The following C6 variants were observed in gnomAD, a reference collection of about 807,000 sequenced individuals.
C6 encodes complement component C6.
Under a neutral mutation model 112.9 loss-of-function variants are expected in C6, and 101 were observed. That is an observed-to-expected ratio of 0.89 (90% CI 0.76 to 1.06). The LOEUF (loss-of-function observed/expected upper bound fraction) is 1.06, where lower values mean the gene tolerates loss of function less well. C6 is among the 50% of genes least tolerant of loss of function. C6 has a pLI of 0.00. For synonymous variants in C6, 431 were observed against 384.1 expected, an observed-to-expected ratio of 1.12 and a Z score of -1.43; for missense variants, 1,202 against 1,104.6, an observed-to-expected ratio of 1.09 and a Z score of -1.25.
chr5:41,150,812 G>A (rs960574894), intron 15 of C6, among the ~76,000 whole-genome samples: 3 of 151,952 alleles, frequency 2.0e-5, no homozygotes, highest in African/African-American at 2.4e-5. Flanking sequence ...ACTTGAACCC[G>A]GGAGGCAGAG....
chr5:41,146,814 C>T (rs904339255), intron 17 of C6, among the ~76,000 whole-genome samples: 1 of 150,076 alleles, frequency 6.7e-6, no homozygotes, highest in African/African-American at 2.5e-5. Context: ...TACAGCAAAG[C>T]GGTAATAGTA....
intron 1 of C6, among the ~76,000 whole-genome samples, chr5:41,249,439 T>A: frequency 6.6e-6 from 1 of 152,232 alleles, no homozygotes; most frequent in South Asian, 2.1e-4. Context: ...TATATTTGTA[T>A]TTGCTCCTAT....
chr5:41,152,216 G>C (rs899554440), intron 15 of C6, among the ~76,000 whole-genome samples: 2 of 152,084 alleles, frequency 1.3e-5, no homozygotes, highest in Non-Finnish European at 2.9e-5. Flanking sequence ...ATTAGGGAAG[G>C]ATTCATAAGG....
At chr5:41,180,817 T>A (rs1749267588) in intron 7 of C6, among the ~76,000 whole-genome samples, 1 of 147,678 alleles carries the variant, frequency 6.8e-6, no homozygotes, top group South Asian at 2.2e-4. Context: ...CTTGCATGTG[T>A]CCTATATGAG....
chr5:41,157,880 G>A (rs566708767), intron 13 of C6, among the ~76,000 whole-genome samples: 2 of 152,084 alleles, frequency 1.3e-5, no homozygotes. Flanking sequence ...TTAAGGTATG[G>A]TCCTTATGCA....
At chr5:41,204,349 C>T (rs1580185038) in intron 1 of C6, among the ~76,000 whole-genome samples, 1 of 152,152 alleles carries the variant, frequency 6.6e-6, no homozygotes, top group Non-Finnish European at 1.5e-5. Flanking sequence ...ACTAGCTTTT[C>T]AAATTAGTAA....
chr5:41,206,791 G>A (rs975979676), intron 1 of C6, among the ~76,000 whole-genome samples: 11 of 152,202 alleles, frequency 7.2e-5, no homozygotes, highest in African/African-American at 2.4e-4. Flanking sequence ...AACCGAGTTG[G>A]AAAACACTCT....
chr5:41,186,124 A>G lies in C6; in HGVS notation c.672T>C (p.Ser224=). ...TGGICKTVKS[S]RTSNPYRVPA... is the part of the protein sequence containing the mutation. Reference sequence around the variant, plus strand: ...GAACACGGTATGGATTACTTGTCCTACTGCTTTTGACAGTTTTACATATTC... The same window carrying G: ...GAACACGGTATGGATTACTTGTCCTGCTGCTTTTGACAGTTTTACATATTC... Residue 224 remains serine, a synonymous_variant, in exon 6 of 18, where the codon AGT becomes AGC. Transcript: ENST00000337836. 6 of 1,613,984 alleles carry G rather than the reference A, an allele frequency of 3.7e-6. No homozygotes were observed. The highest frequency in any genetic ancestry group is 5.1e-6 in the Non-Finnish European group (6 of 1,179,932).
At chr5:41,193,834 T>G (rs2150350607) in intron 5 of C6, among the ~76,000 whole-genome samples, 1 of 145,918 alleles carries the variant, frequency 6.9e-6, no homozygotes, top group East Asian at 2.0e-4. Flanking sequence ...ATATGTTGGA[T>G]AGCAGGATTG....
At chr5:41,164,201 C>A (rs181942461) in intron 9 of C6, among the ~76,000 whole-genome samples, 1 of 152,142 alleles carries the variant, frequency 6.6e-6, no homozygotes, top group Non-Finnish European at 1.5e-5. Context: ...CTTAGTATTA[C>A]TCAATGGTAA....
chr5:41,206,999 G>T (rs924820135), intron 1 of C6, among the ~76,000 whole-genome samples: 1 of 152,168 alleles, frequency 6.6e-6, no homozygotes, highest in African/African-American at 2.4e-5. Context: ...ACCCACAAAG[G>T]GAAGCCCATC....
chr5:41,237,192 A>G (rs1740378505), intron 1 of C6, among the ~76,000 whole-genome samples: 1 of 137,508 alleles, frequency 7.3e-6, no homozygotes, highest in African/African-American at 2.9e-5. Flanking sequence ...TTTCTAATCA[A>G]TAGAAAAAGA....
chr5:41,157,252 A>G (rs905501319), intron 13 of C6, among the ~76,000 whole-genome samples: 8 of 152,242 alleles, frequency 5.3e-5, no homozygotes, highest in Admixed American at 2.6e-4. Flanking sequence ...ATGAGTTAGA[A>G]GAATAATGCA....
At chr5:41,220,119 G>T (rs943599782) in intron 1 of C6, among the ~76,000 whole-genome samples, 1 of 152,158 alleles carries the variant, frequency 6.6e-6, no homozygotes, top group African/African-American at 2.4e-5. Flanking sequence ...CTACTGACCT[G>T]GGGTAGTGTG....
At chr5:41,235,227 T>A (rs1463698993) in intron 1 of C6, among the ~76,000 whole-genome samples, 1 of 76,162 alleles carries the variant, frequency 1.3e-5, no homozygotes, top group Non-Finnish European at 2.5e-5. Flanking sequence ...CCCTCCCCCC[T>A]CCCCCGACCC....
intron 13 of C6, among the ~76,000 whole-genome samples, chr5:41,157,405 G>T (rs912674597): frequency 6.6e-6 from 1 of 152,168 alleles, no homozygotes; most frequent in African/African-American, 2.4e-5. Flanking sequence ...AATGTTCTAG[G>T]GCAGGGGCCA....
intron 6 of C6, among the ~76,000 whole-genome samples, chr5:41,185,209 G>T (rs1435478858): frequency 6.6e-6 from 1 of 152,134 alleles, no homozygotes; most frequent in African/African-American, 2.4e-5. Flanking sequence ...AGTTCCCAAA[G>T]ACATTCCCCA....
Position 41,158,654 on chromosome 5 carries a change from G to A in C6, c.1968+20C>T. 1.4e-6 allele frequency: 2 copies of A among 1,387,502 alleles called. No homozygotes were observed. The highest frequency in any genetic ancestry group is 4.6e-5 in the East Asian group (2 of 43,782). 85.9% of individuals were successfully genotyped at this position (1,387,502 alleles called of 1,614,324 possible). A position where few individuals can be genotyped will look rare whatever the true frequency, so the allele number is the denominator to read the frequency against. ...AGGTTTTTAAAACTACAAACCAAAA[G>A]TGAGGTTTAGGATGCTGACCCGGAT... On this transcript the variant is annotated intron_variant, in intron 13 of 17. Transcript: ENST00000337836.
chr5:41,207,821 A>T (rs996639258), intron 1 of C6, among the ~76,000 whole-genome samples: 1 of 152,192 alleles, frequency 6.6e-6, no homozygotes, highest in African/African-American at 2.4e-5. Context: ...CAGATCAACA[A>T]GACAGAAAGT....
Sources: allele counts gnomAD v4.1 joint callset (sites outside exome capture counted in the v4.1 genomes callset), GRCh38; gene constraint gnomAD v4.1.1; transcripts MANE v1.5; gene names NCBI Gene and HGNC (gene_info 2026-07-23, HGNC 2026-07-21).